Variants in SPI1 observed in about 807,000 individuals in gnomAD.
SPI1 encodes the protein transcription factor PU.1.
A neutral mutation model predicts 30.7 loss-of-function variants in SPI1; 3 were observed. The ratio of observed to expected loss-of-function variants is 0.10; its 90% confidence interval spans 0.04 to 0.25. The LOEUF (loss-of-function observed/expected upper bound fraction) is 0.25, where lower values mean the gene tolerates loss of function less well. Among genes scored for constraint, SPI1 ranks in the 10% least tolerant of loss-of-function variants. The pLI is 1.00. For synonymous variants in SPI1, 169 were observed against 157.1 expected, an observed-to-expected ratio of 1.08 and a Z score of -0.56; for missense variants, 261 against 371.5, an observed-to-expected ratio of 0.70 and a Z score of 2.45.
intron 1 of SPI1, 115 bp downstream of exon 1, chr11:47,378,194 G>A: frequency 6.1e-6 from 7 of 1,150,674 alleles, no homozygotes; most frequent in Non-Finnish European, 8.9e-6. Flanking sequence ...AGGAAACCCT[G>A]ACTTCCCACT....
chr11:47,375,671 T>C lies in SPI1; in HGVS notation c.104A>G (p.Tyr35Cys). ...CCCATCACTGCTGAGATAGGGGTAA[T>C]ACTCGTGCGTTTGGCGTTGGTATAG... ...TDLYQRQTHE[Y>C]YPYLSSDGES... The change falls in exon 2 of 5, where the codon TAT becomes TGT. Residue 35 changes from tyrosine (Y) to cysteine (C), a missense_variant. Transcript: ENST00000378538. The surrounding 1 kb of genome is among the most constrained non-coding windows in gnomAD (Gnocchi z 4.2). 1 of 1,614,018 alleles carries C rather than the reference T, an allele frequency of 6.2e-7. No individual in the cohort carries two copies. The highest frequency in any genetic ancestry group is 8.5e-7 in the Non-Finnish European group (1 of 1,179,924).
At chr11:47,356,077 A>G (rs555009171) in intron 4 of SPI1, among the ~76,000 whole-genome samples, 1 of 151,158 alleles carries the variant, frequency 6.6e-6, no homozygotes, top group Non-Finnish European at 1.5e-5. Context: ...CCACATGCTC[A>G]CACACATGCT....
In SPI1 at chr11:47,359,618, G is replaced by A. The variant is rs2095917585; in HGVS notation, c.330+235C>T. ...GCGTTGGGATGGGGAGGCTTGGTGA[G>A]GGTGCGAGAATTATCTGGGGTCTGT... On this transcript the variant is annotated intron_variant, in intron 3 of 4. Transcript: ENST00000378538. This position sits in a 1 kb window ranked among gnomAD's most constrained non-coding sequence, Gnocchi z 5.1. Among the ~76,000 whole-genome samples, 1 of 152,098 alleles carries A rather than the reference G, an allele frequency of 6.6e-6. No individual in the cohort carries two copies. Among genetic ancestry groups the A allele is most frequent in the African/African-American group, 2.4e-5 (1 of 41,386 alleles).
intron 4 of SPI1, among the ~76,000 whole-genome samples, chr11:47,356,707 C>G (rs1383463210): frequency 1.3e-5 from 2 of 151,500 alleles, no homozygotes; most frequent in African/African-American, 4.9e-5. Context: ...ACACACATGC[C>G]CCTGCTCACA....
chr11:47,366,630 C>T (rs1029841241), intron 2 of SPI1, among the ~76,000 whole-genome samples: 3 of 151,806 alleles, frequency 2.0e-5, no homozygotes, highest in South Asian at 2.1e-4. Flanking sequence ...TCAGCCTGGC[C>T]GACATGTTGA....
chr11:47,368,945 A>G (rs748623021), intron 2 of SPI1, among the ~76,000 whole-genome samples: 13 of 152,318 alleles, frequency 8.5e-5, no homozygotes, highest in Middle Eastern at 3.4e-3. Flanking sequence ...GTATTTTACC[A>G]CAATTAAAAA....
intron 2 of SPI1, among the ~76,000 whole-genome samples, chr11:47,362,669 G>A (rs970296796): frequency 3.5e-5 from 5 of 142,798 alleles, no homozygotes; most frequent in Admixed American, 1.4e-4. Context: ...TCCACCTCCC[G>A]GGTTCAAGTG....
intron 2 of SPI1, among the ~76,000 whole-genome samples, 166 bp from the exon 3 acceptor site, chr11:47,360,206 C>G (rs527395617): frequency 6.6e-6 from 1 of 152,120 alleles, no homozygotes; most frequent in Non-Finnish European, 1.5e-5. Flanking sequence ...TAGATGAGGA[C>G]ACTGAGGCTT....
intron 2 of SPI1, among the ~76,000 whole-genome samples, chr11:47,368,938 T>C (rs906091256): frequency 4.6e-5 from 7 of 152,330 alleles, no homozygotes; most frequent in Admixed American, 3.9e-4. Flanking sequence ...ATTATGTGTA[T>C]TTTACCACAA....
chr11:47,366,349 G>A (rs1429110561), intron 2 of SPI1, among the ~76,000 whole-genome samples: 1 of 152,064 alleles, frequency 6.6e-6, no homozygotes, highest in Non-Finnish European at 1.5e-5. Context: ...AAAATGTCAA[G>A]CCTTAAGTGT....
At chr11:47,370,433 G>T (rs1229573773) in intron 2 of SPI1, among the ~76,000 whole-genome samples, 1 of 151,954 alleles carries the variant, frequency 6.6e-6, no homozygotes, top group African/African-American at 2.4e-5. Context: ...GCCAGGCATG[G>T]TGGCTCACGC....
intron 1 of SPI1, among the ~76,000 whole-genome samples, chr11:47,377,846 G>A (rs937031043): frequency 6.6e-6 from 1 of 152,222 alleles, no homozygotes; most frequent in African/African-American, 2.4e-5. Flanking sequence ...GGGACCCAGA[G>A]TTCCATCAGC....
Position 47,359,730 on chromosome 11 carries a change from C to T in SPI1, c.330+123G>A, listed in dbSNP as rs940220556. The T allele has an allele frequency of 6.3e-6, 7 of 1,119,624 alleles. No homozygotes were observed. The highest frequency in any genetic ancestry group is 2.4e-5 in the East Asian group (1 of 40,960). 69.4% of individuals were successfully genotyped at this position (1,119,624 alleles called of 1,614,324 possible). A position where few individuals can be genotyped will look rare whatever the true frequency, so the allele number is the denominator to read the frequency against. ...CGGCAGCCGTTGGAGCTCCAGCCGC[C>T]GTTGGCACTGTGGGGCAGGAAGCTG... On this transcript the variant is annotated intron_variant, in intron 3 of 4. Transcript: ENST00000378538. This position sits in a 1 kb window ranked among gnomAD's most constrained non-coding sequence, Gnocchi z 5.1.
chr11:47,357,857 G>A (rs930758957), intron 4 of SPI1, among the ~76,000 whole-genome samples: 12 of 151,730 alleles, frequency 7.9e-5, no homozygotes, highest in Non-Finnish European at 1.2e-4. Flanking sequence ...GAGCCACCAC[G>A]CCCGGCCCAC....
At chr11:47,357,785 C>T (rs567052433) in intron 4 of SPI1, among the ~76,000 whole-genome samples, 6 of 152,288 alleles carry the variant, frequency 3.9e-5, no homozygotes, top group Middle Eastern at 3.4e-3. Context: ...AGGCTGGTCT[C>T]GAACACCTGA....
At position 47,356,258 on chromosome 11, in the gene SPI1, C is replaced by T. The variant is rs918778548; in HGVS notation, c.494-712G>A. Among the ~76,000 whole-genome samples, 11 of 151,200 alleles carry T rather than the reference C, an allele frequency of 7.3e-5. 1 individual carries two copies. Among genetic ancestry groups the T allele is most frequent in the Admixed American group, 7.2e-4 (11 of 15,174 alleles). On this transcript the variant is annotated intron_variant, in intron 4 of 4. Coordinates refer to ENST00000378538, the MANE Select transcript of SPI1 (RefSeq NM_003120.3). Reference sequence around the variant, plus strand: ...ACTAACATGCCCCCACACACTGGCACCCACACGACACACCCACTCACATGC... The same window carrying T: ...ACTAACATGCCCCCACACACTGGCATCCACACGACACACCCACTCACATGC...
In SPI1 at chr11:47,375,836, TGC is replaced by T. The variant is rs2095941616; in HGVS notation, c.46-109_46-108del. 7.9e-6 allele frequency: 7 copies of T among 885,530 alleles called. No homozygotes were observed. In the South Asian group the frequency reaches 9.3e-5, roughly 12 times the overall value. 54.9% of individuals were successfully genotyped at this position (885,530 alleles called of 1,614,324 possible). A position where few individuals can be genotyped will look rare whatever the true frequency, so the allele number is the denominator to read the frequency against. ...CCATCACCTTCCCTGGCTCAGTGGC[TGC>T]GTTGGACCTACAGCCCTCCCTCTGC... On this transcript the variant is annotated intron_variant, in intron 1 of 4. Transcript: ENST00000378538. This position sits in a 1 kb window ranked among gnomAD's most constrained non-coding sequence, Gnocchi z 4.2.
chr11:47,363,782 G>C (rs2095924258), intron 2 of SPI1, among the ~76,000 whole-genome samples: 1 of 150,990 alleles, frequency 6.6e-6, no homozygotes, highest in African/African-American at 2.4e-5. Flanking sequence ...GGCCAACATA[G>C]TGAAACCCCG....
At chr11:47,365,218 C>A (rs1282905763) in intron 2 of SPI1, among the ~76,000 whole-genome samples, 1 of 152,168 alleles carries the variant, frequency 6.6e-6, no homozygotes, top group East Asian at 1.9e-4. Flanking sequence ...GCCACCCAGA[C>A]CATCCATTCA....
Sources: gnomAD v4.1 joint callset for allele counts (sites outside exome capture counted in the v4.1 genomes callset) on GRCh38, gnomAD v4.1.1 for gene constraint, Gnocchi (gnomAD v3.1) non-coding constraint, MANE v1.5 for transcripts, NCBI Gene and HGNC (gene_info 2026-07-23, HGNC 2026-07-21) for gene names.